Variants in RCOR1 observed in about 807,000 individuals in gnomAD.
RCOR1 encodes the protein REST corepressor 1, also known as REST corepressor.
Under a neutral mutation model 64.0 loss-of-function variants are expected in RCOR1, and 12 were observed. The ratio of observed to expected loss-of-function variants is 0.19; its 90% confidence interval spans 0.12 to 0.30. RCOR1 has a LOEUF of 0.30. Among genes scored for constraint, RCOR1 ranks in the 10% least tolerant of loss-of-function variants. The pLI, the probability that RCOR1 is intolerant of heterozygous loss-of-function variation, is 1.00. For missense variants in RCOR1, 502 were observed against 621.2 expected, an observed-to-expected ratio of 0.81 and a Z score of 2.04; for synonymous variants, 279 against 227.2, an observed-to-expected ratio of 1.23 and a Z score of -2.05.
chr14:102,625,932 T>G (rs547971564), intron 2 of RCOR1, among the ~76,000 whole-genome samples: 6 of 152,336 alleles, frequency 3.9e-5, no homozygotes, highest in Admixed American at 3.9e-4. Context: ...CCTTGGCTTC[T>G]TAGTTCCTTG....
At chr14:102,653,920 C>CTTCTTTGT (rs1894647073) in intron 2 of RCOR1, among the ~76,000 whole-genome samples, 1 of 98,874 alleles carries the variant, frequency 1.0e-5, no homozygotes, top group Non-Finnish European at 2.0e-5. Flanking sequence ...CAGGTATTTC[C>CTTCTTTGT]TTCTTTCTTT....
intron 2 of RCOR1, among the ~76,000 whole-genome samples, chr14:102,640,995 T>C (rs1894356946): frequency 6.6e-6 from 1 of 152,172 alleles, no homozygotes; most frequent in South Asian, 2.1e-4. Flanking sequence ...GGCTCACGCC[T>C]GTAATCCCAG....
chr14:102,716,331 C>T (rs538969940), intron 8 of RCOR1, among the ~76,000 whole-genome samples: 3 of 152,190 alleles, frequency 2.0e-5, no homozygotes, highest in South Asian at 4.1e-4. Flanking sequence ...ATATGTTTTG[C>T]ATTCTGTGAC....
chr14:102,655,613 C>T (rs1249839012), intron 2 of RCOR1: 1 of 545,206 alleles, frequency 1.8e-6, no homozygotes, highest in Non-Finnish European at 2.3e-6. Context: ...TTCCTTCTAG[C>T]TTGTCTGTCC....
At chr14:102,697,232 C>G (rs1895668992) in intron 3 of RCOR1, among the ~76,000 whole-genome samples, 1 of 152,182 alleles carries the variant, frequency 6.6e-6, no homozygotes, top group African/African-American at 2.4e-5. Context: ...AGGTGATAAC[C>G]TGGCTTTATT....
At position 102,726,588 on chromosome 14, in the gene RCOR1, T is replaced by A; in HGVS notation, c.*82T>A. 8.7e-7 allele frequency: 1 copy of A among 1,152,320 alleles called. No individual in the cohort carries two copies. Among genetic ancestry groups the A allele is most frequent in the Non-Finnish European group, 1.3e-6 (1 of 786,174 alleles). 71.4% of individuals were successfully genotyped at this position (1,152,320 alleles called of 1,614,324 possible). A position where few individuals can be genotyped will look rare whatever the true frequency, so the allele number is the denominator to read the frequency against. On this transcript the variant is annotated 3_prime_UTR_variant, in exon 12 of 12. Coordinates refer to ENST00000262241, the MANE Select transcript of RCOR1 (RefSeq NM_015156.4). Reference sequence around the variant, plus strand: ...TATTATGAGACATCACCTAGCCATCTGCATCACATCTCTCTGGACAAGCAG... The same window carrying A: ...TATTATGAGACATCACCTAGCCATCAGCATCACATCTCTCTGGACAAGCAG...
At chr14:102,633,591 C>G (rs1595204353) in intron 2 of RCOR1, among the ~76,000 whole-genome samples, 1 of 152,042 alleles carries the variant, frequency 6.6e-6, no homozygotes, top group East Asian at 1.9e-4. Context: ...CCAGGCTAGA[C>G]TACAATGGCA....
chr14:102,605,103 C>T (rs1193660920), intron 2 of RCOR1, among the ~76,000 whole-genome samples: 1 of 140,314 alleles, frequency 7.1e-6, no homozygotes, highest in Admixed American at 7.2e-5. Context: ...AAAGAAAAAA[C>T]ACTTAGGAGC....
intron 3 of RCOR1, among the ~76,000 whole-genome samples, chr14:102,698,647 C>T (rs1356605930): frequency 1.3e-5 from 2 of 152,206 alleles, no homozygotes; most frequent in African/African-American, 4.8e-5. Context: ...TCTGTCCTTA[C>T]ATATTCCTGA....
intron 6 of RCOR1, 69 bp downstream of exon 6, chr14:102,708,652 C>T: frequency 1.2e-6 from 1 of 853,028 alleles, no homozygotes; most frequent in Non-Finnish European, 1.9e-6. Flanking sequence ...TACACAAAGG[C>T]AAGGCAGAAT....
intron 2 of RCOR1, among the ~76,000 whole-genome samples, chr14:102,676,448 CGGCCGGCCG>C: frequency 8.8e-6 from 1 of 113,222 alleles, no homozygotes; most frequent in Admixed American, 8.1e-5. Context: ...CCGGACGGGG[CGGCCGGCCG>C]GGCGGGGGGC....
chr14:102,597,767 G>A (rs1205155502), intron 2 of RCOR1, among the ~76,000 whole-genome samples: 2 of 151,462 alleles, frequency 1.3e-5, no homozygotes, highest in African/African-American at 2.4e-5. Flanking sequence ...CTCAGTAGCC[G>A]GGATTACAGG....
rs1176089781 is a variant in RCOR1, at chr14:102,593,456, A to G, written c.361+131A>G. ...TCGCCCTGCCGTCCGTGGGGAGAAC[A>G]GCAGGGCGAGGACGAGGAGGCGCAC... On this transcript the variant is annotated intron_variant, in intron 2 of 11. Transcript: ENST00000262241. 5.1e-6 allele frequency: 5 copies of G among 985,322 alleles called. No homozygotes were observed. In the East Asian group the frequency reaches 1.6e-4, roughly 32 times the overall value. The allele number at this position is 985,322 out of a possible 1,614,324, so 61.0% of individuals were successfully genotyped here.
At chr14:102,726,338 A>AG (rs1566715993) in intron 11 of RCOR1, 130 bp from the exon 12 acceptor site, 6 of 823,406 alleles carry the variant, frequency 7.3e-6, no homozygotes, top group Non-Finnish European at 1.1e-5. Flanking sequence ...TCCAAAAAAA[A>AG]AAAAAAGAAC....
intron 2 of RCOR1, among the ~76,000 whole-genome samples, chr14:102,616,457 G>A (rs762326310): frequency 2.6e-5 from 4 of 151,936 alleles, no homozygotes; most frequent in Non-Finnish European, 5.9e-5. Flanking sequence ...TTTTGGTAGA[G>A]ATGGGGTCTT....
At chr14:102,660,866 T>C (rs549200660) in intron 2 of RCOR1, among the ~76,000 whole-genome samples, 18 of 152,218 alleles carry the variant, frequency 1.2e-4, no homozygotes, top group South Asian at 4.1e-4. Flanking sequence ...GATAGATATT[T>C]CCTTAGTATG....
chr14:102,644,073 C>G (rs1242065183), intron 2 of RCOR1, among the ~76,000 whole-genome samples: 2 of 152,196 alleles, frequency 1.3e-5, no homozygotes, highest in Non-Finnish European at 2.9e-5. Context: ...TTGGGTTTCT[C>G]TGACTTAAGT....
chr14:102,678,460 T>C (rs1895237079), intron 2 of RCOR1, among the ~76,000 whole-genome samples: 1 of 152,088 alleles, frequency 6.6e-6, no homozygotes, highest in African/African-American at 2.4e-5. Flanking sequence ...CCACCACACC[T>C]GGCTAATTTT....
At chr14:102,615,313 A>G (rs1288434056) in intron 2 of RCOR1, among the ~76,000 whole-genome samples, 1 of 133,992 alleles carries the variant, frequency 7.5e-6, no homozygotes, top group Non-Finnish European at 1.6e-5. Context: ...TTTTTTTTTA[A>G]TATTTTTTAG....
Sources: gnomAD v4.1 joint callset for allele counts (sites outside exome capture counted in the v4.1 genomes callset) on GRCh38, gnomAD v4.1.1 for gene constraint, MANE v1.5 for transcripts, NCBI Gene and HGNC (gene_info 2026-07-23, HGNC 2026-07-21) for gene names.